The following TRMT9B variants were observed in gnomAD, a reference collection of about 807,000 sequenced individuals.
The protein encoded by TRMT9B is probable tRNA methyltransferase 9B.
Under a neutral mutation model 11.5 loss-of-function variants are expected in TRMT9B, and 16 were observed. That is an observed-to-expected ratio of 1.39 (90% CI 0.94 to 2.11). The LOEUF (loss-of-function observed/expected upper bound fraction) is 2.11, where lower values mean the gene tolerates loss of function less well. TRMT9B is among the 30% of genes most tolerant of loss of function. The pLI, the probability that TRMT9B is intolerant of heterozygous loss-of-function variation, is 0.00. For missense variants in TRMT9B, 941 were observed against 553.8 expected (o/e 1.70, Z -7.02); for synonymous variants, 274 against 192.4 (o/e 1.42, Z -3.51).
intron 4 of TRMT9B, among the ~76,000 whole-genome samples, chr8:13,017,011 C>T (rs1420165217): frequency 1.3e-5 from 2 of 151,588 alleles, no homozygotes; most frequent in African/African-American, 2.4e-5. Context: ...GTAATCTCAG[C>T]TACTCAGGAG....
intron 1 of TRMT9B, among the ~76,000 whole-genome samples, chr8:12,949,484 C>G (rs1004593763): frequency 6.6e-6 from 1 of 152,144 alleles, no homozygotes; most frequent in Non-Finnish European, 1.5e-5. Flanking sequence ...CTTTACAGTA[C>G]ATTTTTCTTT....
At position 13,028,115 on chromosome 8, in the gene TRMT9B, G is replaced by A. The variant is rs536767227; in HGVS notation, c.*6071G>A. 5 of 167,132 alleles carry A rather than the reference G, an allele frequency of 3.0e-5. No homozygotes were observed. The highest frequency in any genetic ancestry group is 1.2e-4 in the African/African-American group (5 of 41,550). 10.4% of individuals were successfully genotyped at this position (167,132 alleles called of 1,614,324 possible). On this transcript the variant is annotated 3_prime_UTR_variant, in exon 5 of 5. Transcript: ENST00000524591. ...TTTTTAATTCCCCAGGGATCCTACG[G>A]TCTATGACACATTAACAGGGGTGTG...
At chr8:12,994,312 C>G (rs1807939839) in intron 2 of TRMT9B, among the ~76,000 whole-genome samples, 1 of 152,228 alleles carries the variant, frequency 6.6e-6, no homozygotes, top group South Asian at 2.1e-4. Flanking sequence ...GATGGACCCT[C>G]TGCTCTTTCA....
At chr8:12,960,241 T>C (rs1356776566) in intron 1 of TRMT9B, 2 of 152,242 alleles carry the variant, frequency 1.3e-5, no homozygotes, top group Admixed American at 1.3e-4. Flanking sequence ...TGCTCATTTT[T>C]AGTGGCAGCC....
intron 1 of TRMT9B, among the ~76,000 whole-genome samples, chr8:12,955,758 TTAGATGCTCACAGGAA>T (rs1391173838): frequency 6.6e-6 from 1 of 152,186 alleles, no homozygotes; most frequent in Non-Finnish European, 1.5e-5. Context: ...AATATGAGAA[TTAGATGCTCACAGGAA>T]GGTTGGAATG....
At chr8:12,982,360 A>C (rs1805549918) in intron 1 of TRMT9B, among the ~76,000 whole-genome samples, 2 of 152,206 alleles carry the variant, frequency 1.3e-5, no homozygotes, top group Non-Finnish European at 2.9e-5. Flanking sequence ...ACTCTGTCTG[A>C]AATTCAAATA....
At chr8:12,977,848 C>G (rs570513239) in intron 1 of TRMT9B, among the ~76,000 whole-genome samples, 163 of 99,294 alleles carry the variant, frequency 1.6e-3, no homozygotes, top group African/African-American at 5.5e-3. Context: ...GACCCTATCT[C>G]TACAAAAAAA....
intron 1 of TRMT9B, chr8:12,952,320 C>A (rs141716409): frequency 2.9e-6 from 1 of 342,930 alleles, no homozygotes; most frequent in Non-Finnish European, 6.1e-6. Flanking sequence ...GGTCGTCTAG[C>A]GCGTGCCCCG....
rs75615020 is a variant in TRMT9B, at chr8:12,989,288, A to G, written c.-199-1546A>G. Among the ~76,000 whole-genome samples the G allele has an allele frequency of 6.9e-3, 1,058 of 152,338 alleles. 8 individuals carry two copies. The highest frequency in any genetic ancestry group is 0.01 in the Non-Finnish European group (701 of 68,032). The stretch of plus-strand genomic sequence containing the variant: ...ATGACTGATTTAATAAAAAGTCTCA[A>G]TTGGAATTCAACTCCTTTTAGATAT... On this transcript the variant is annotated intron_variant, in intron 1 of 4. Transcript: ENST00000524591.
chr8:13,004,132 G>A (rs1809978752), intron 2 of TRMT9B, among the ~76,000 whole-genome samples: 2 of 151,966 alleles, frequency 1.3e-5, no homozygotes, highest in Admixed American at 6.6e-5. Context: ...AGCCAGAGGG[G>A]AATTGCTGGT....
At chr8:12,955,512 A>G (rs1342232388) in intron 1 of TRMT9B, among the ~76,000 whole-genome samples, 1 of 152,098 alleles carries the variant, frequency 6.6e-6, no homozygotes, top group African/African-American at 2.4e-5. Flanking sequence ...CTAAGCCGTA[A>G]AGGGTTGTTA....
chr8:12,968,523 T>A (rs1803136661), intron 1 of TRMT9B, among the ~76,000 whole-genome samples: 2 of 152,204 alleles, frequency 1.3e-5, no homozygotes, highest in African/African-American at 4.8e-5. Context: ...TGCTTTCTAA[T>A]AGGTGGTCTG....
rs1554543427 is a variant in TRMT9B, at chr8:13,024,037, A to ATTTCT, written c.*1997_*2001dup. ...ATTAAAAATTAATTTGGTTTCTTCT[A>ATTTCT]TTTCTTTTTTTTTTTTTTTTTTTTG... On this transcript the variant is annotated 3_prime_UTR_variant, in exon 5 of 5. Coordinates refer to ENST00000524591, the MANE Select transcript of TRMT9B (RefSeq NM_020844.3). 1.3e-5 allele frequency: 1 copy of ATTTCT among 74,990 alleles called. No homozygotes were observed. Among genetic ancestry groups the ATTTCT allele is most frequent in the Non-Finnish European group, 2.9e-5 (1 of 34,652 alleles). The allele number at this position is 74,990 out of a possible 1,614,324, so 4.6% of individuals were successfully genotyped here. A position where few individuals can be genotyped will look rare whatever the true frequency, so the allele number is the denominator to read the frequency against.
At chr8:12,995,439 A>G (rs1298456388) in intron 2 of TRMT9B, among the ~76,000 whole-genome samples, 1 of 152,174 alleles carries the variant, frequency 6.6e-6, no homozygotes, top group East Asian at 1.9e-4. Flanking sequence ...ATATTAAGTC[A>G]TAGCTCTTAG....
chr8:12,978,736 T>C (rs534725371), intron 1 of TRMT9B, among the ~76,000 whole-genome samples: 1 of 152,310 alleles, frequency 6.6e-6, no homozygotes, highest in South Asian at 2.1e-4. Flanking sequence ...TCAACTCTGG[T>C]TAGGCCACCA....
chr8:13,010,613 C>A (rs13278029), intron 3 of TRMT9B: 223,030 of 983,900 alleles, frequency 0.23, 25,691 homozygotes, highest in South Asian at 0.3. Flanking sequence ...GAGAAAAGAC[C>A]TCTGTTTCCT....
At chr8:12,988,728 A>G (rs958170716) in intron 1 of TRMT9B, among the ~76,000 whole-genome samples, 1 of 152,122 alleles carries the variant, frequency 6.6e-6, no homozygotes, top group South Asian at 2.1e-4. Flanking sequence ...CCCACAATAC[A>G]TGGGGATGAT....
chr8:12,972,181 A>G (rs1318655695), intron 1 of TRMT9B, among the ~76,000 whole-genome samples: 1 of 152,204 alleles, frequency 6.6e-6, no homozygotes, highest in Non-Finnish European at 1.5e-5. Context: ...TGGCAAGAAC[A>G]ACAGCAGGAA....
In TRMT9B at chr8:13,021,168, T is replaced by G. The variant is rs622106; in HGVS notation, c.489T>G (p.Ala163=). The G allele has an allele frequency of 1.2e-6, 2 of 1,613,330 alleles. No individual in the cohort carries two copies. The highest frequency in any genetic ancestry group is 1.7e-5 in the Admixed American group (1 of 59,960). Residue 163 remains alanine (A), a synonymous_variant, in exon 5 of 5, where the codon GCT becomes GCG. Transcript: ENST00000524591. ...KQDVLVPWNR[A]LCSQLFSESS... is the part of the protein sequence containing the mutation. ...ACGTGCTTGTTCCATGGAACAGGGCTCTGTGTTCCCAGCTCTTCTCAGAGT... is the reference window on the plus strand; with the variant it reads ...ACGTGCTTGTTCCATGGAACAGGGCGCTGTGTTCCCAGCTCTTCTCAGAGT...
Sources: allele counts gnomAD v4.1 joint callset (sites outside exome capture counted in the v4.1 genomes callset), GRCh38; gene constraint gnomAD v4.1.1; transcripts MANE v1.5; gene names NCBI Gene and HGNC (gene_info 2026-07-23, HGNC 2026-07-21).